Variants in PROB1 observed in about 807,000 individuals in gnomAD.
PROB1 encodes proline-rich basic protein 1.
For missense variants in PROB1, 1,453 were observed against 1,485.7 expected (o/e 0.98, Z 0.36); for synonymous variants, 660 against 699.3 (o/e 0.94, Z 0.89).
At position 139,390,931 on chromosome 5, in the gene PROB1, G is replaced by C. The variant is rs1758593694; in HGVS notation, c.*1103C>G. The C allele has an allele frequency of 6.6e-6, 1 of 152,248 alleles. No homozygotes were observed. Among genetic ancestry groups the C allele is most frequent in the South Asian group, 2.1e-4 (1 of 4,822 alleles). 9.4% of individuals were successfully genotyped at this position (152,248 alleles called of 1,614,324 possible). A position where few individuals can be genotyped will look rare whatever the true frequency, so the allele number is the denominator to read the frequency against. On this transcript the variant is annotated 3_prime_UTR_variant, in exon 1 of 1. Coordinates refer to ENST00000434752, the MANE Select transcript of PROB1 (RefSeq NM_001161546.2). ...CATTTCCGGTTCAGAACTATATACAGACCCCCACGCACACCACCTCCCACC... is the reference window on the plus strand; with the variant it reads ...CATTTCCGGTTCAGAACTATATACACACCCCCACGCACACCACCTCCCACC...
Position 139,394,578 on chromosome 5 carries a change from G to A in PROB1, c.504C>T (p.Ala168=). Residue 168 remains alanine (A), a synonymous_variant, in exon 1 of 1, where the codon GCC becomes GCT. Coordinates refer to ENST00000434752, the MANE Select transcript of PROB1 (RefSeq NM_001161546.2). ...CACGGGGCCGCAGCTCTAGGTAGGT[G>A]GCCCAGCGGGAGCCACCATCGGGGA... ...SQVPDGGSRW[A]TYLELRPRGP... 3.3e-6 allele frequency: 5 copies of A among 1,527,460 alleles called. No individual in the cohort carries two copies. Among genetic ancestry groups the A allele is most frequent in the Non-Finnish European group, 3.5e-6 (4 of 1,142,460 alleles). 94.6% of individuals were successfully genotyped at this position (1,527,460 alleles called of 1,614,324 possible).
chr5:139,394,810 C>A lies in PROB1; in HGVS notation c.272G>T (p.Gly91Val). The A allele has an allele frequency of 6.5e-7, 1 of 1,529,246 alleles. No individual in the cohort carries two copies. 94.7% of individuals were successfully genotyped at this position (1,529,246 alleles called of 1,614,324 possible). ...RHGPGSGFPRGPGSGPRPPQP... is the reference protein window; with the variant it reads ...RHGPGSGFPRVPGSGPRPPQP... ...GGGTGGCCGTGGGCCGGAACCTGGG[C>A]CTCGCGGGAAACCCGAGCCGGGCCC... Residue 91 changes from glycine to valine, a missense_variant, in exon 1 of 1, where the codon GGC (glycine) becomes GTC (valine). By Grantham distance (109) the Gly-to-Val change is moderately radical (BLOSUM62 -3). Transcript: ENST00000434752.
At position 139,394,490 on chromosome 5, in the gene PROB1, C is replaced by T; in HGVS notation, c.592G>A (p.Ala198Thr). ...CVEVALEEGA[A>T]PARPRTVPKR... Reference sequence around the variant, plus strand: ...GGCACTGTCCGGGGCCTGGCGGGCGCGGCGCCCTCCTCCAGAGCCACCTCC... The same window carrying T: ...GGCACTGTCCGGGGCCTGGCGGGCGTGGCGCCCTCCTCCAGAGCCACCTCC... Residue 198 changes from alanine (A) to threonine (T), a missense_variant, in exon 1 of 1, where the codon GCG (alanine) becomes ACG (threonine). Transcript: ENST00000434752. 7.0e-7 allele frequency: 1 copy of T among 1,421,678 alleles called. No homozygotes were observed. The highest frequency in any genetic ancestry group is 1.5e-5 in the South Asian group (1 of 66,496). 88.1% of individuals were successfully genotyped at this position (1,421,678 alleles called of 1,614,324 possible).
Position 139,394,231 on chromosome 5 carries a change from G to A in PROB1, c.851C>T (p.Thr284Met). 1 of 1,548,582 alleles carries A rather than the reference G, an allele frequency of 6.5e-7. No individual in the cohort carries two copies. The highest frequency in any genetic ancestry group is 8.7e-7 in the Non-Finnish European group (1 of 1,145,490). ...TGRSEPETRE[T>M]ARSTHVVLEK... ...CAGGACCACGTGGGTGCTGCGGGCCGTTTCCCGGGTCTCAGGTTCCGACCG... is the reference window on the plus strand; with the variant it reads ...CAGGACCACGTGGGTGCTGCGGGCCATTTCCCGGGTCTCAGGTTCCGACCG... Residue 284 changes from threonine to methionine, a missense_variant, in exon 1 of 1, where the codon ACG becomes ATG. By Grantham distance (81) the Thr-to-Met change is moderately conservative (BLOSUM62 -1). Transcript: ENST00000434752.
In PROB1 at chr5:139,392,628, C is replaced by T. The variant is rs973406942; in HGVS notation, c.2454G>A (p.Pro818=). The T allele has an allele frequency of 3.6e-5, 50 of 1,381,802 alleles. No homozygotes were observed. Among genetic ancestry groups the T allele is most frequent in the Non-Finnish European group, 4.4e-5 (47 of 1,070,326 alleles). 85.6% of individuals were successfully genotyped at this position (1,381,802 alleles called of 1,614,324 possible). The change falls in exon 1 of 1, where the codon CCG becomes CCA. Residue 818 remains proline, a synonymous_variant. Transcript: ENST00000434752. The surrounding 1 kb of genome is among the most constrained non-coding windows in gnomAD (Gnocchi z 5.8). ...GCTCGGGGGCCGTAGGTGGTGTCTT[C>T]GGTTTGGGTGCTATCCCAGGGCTCG... ...ASPSPGIAPK[P]KTPPTAPEPA...
In PROB1 at chr5:139,394,308, T is replaced by C; in HGVS notation, c.774A>G (p.Lys258=). 6.7e-7 allele frequency: 1 copy of C among 1,503,658 alleles called. No individual in the cohort carries two copies. The highest frequency in any genetic ancestry group is 8.9e-7 in the Non-Finnish European group (1 of 1,126,760). 93.1% of individuals were successfully genotyped at this position (1,503,658 alleles called of 1,614,324 possible). A position where few individuals can be genotyped will look rare whatever the true frequency, so the allele number is the denominator to read the frequency against. The change falls in exon 1 of 1, where the codon AAA becomes AAG. Residue 258 remains lysine (K), a synonymous_variant. Coordinates refer to ENST00000434752, the MANE Select transcript of PROB1 (RefSeq NM_001161546.2). ...AGFVQTALAR[K]LSPEAPAPSS... is the part of the protein sequence containing the mutation. ...TCGGGGCCGGGGCCTCGGGGCTCAG[T>C]TTTCTGGCCAACGCCGTCTGCACGA... is the stretch of plus-strand genomic sequence containing the variant.
In PROB1 at chr5:139,390,763, A is replaced by T. The variant is rs375005655; in HGVS notation, c.*1271T>A. 37 of 152,376 alleles carry T rather than the reference A, an allele frequency of 2.4e-4. No individual in the cohort carries two copies. The highest frequency in any genetic ancestry group is 8.4e-4 in the African/African-American group (35 of 41,564). 9.4% of individuals were successfully genotyped at this position (152,376 alleles called of 1,614,324 possible). A position where few individuals can be genotyped will look rare whatever the true frequency, so the allele number is the denominator to read the frequency against. On this transcript the variant is annotated 3_prime_UTR_variant, in exon 1 of 1. Coordinates refer to ENST00000434752, the MANE Select transcript of PROB1 (RefSeq NM_001161546.2). The stretch of plus-strand genomic sequence containing the variant: ...TCCTAGTCAGCTTCCAGTCCAGGGC[A>T]GAGGGCAGGGACTGCTAGGGACCTG...
rs1758674088 is a variant in PROB1 at position 139,395,026 on chromosome 5, G to T, written c.56C>A (p.Thr19Lys). 1 of 1,440,948 alleles carries T rather than the reference G, an allele frequency of 6.9e-7. No individual in the cohort carries two copies. Among genetic ancestry groups the T allele is most frequent in the Non-Finnish European group, 9.1e-7 (1 of 1,098,004 alleles). The allele number at this position is 1,440,948 out of a possible 1,614,324, so 89.3% of individuals were successfully genotyped here. Residue 19 changes from threonine to lysine, a missense_variant, in exon 1 of 1, where the codon ACG (threonine) becomes AAG (lysine). Physicochemically the swap from Thr to Lys is moderately conservative, Grantham distance 78 (BLOSUM62 -1). Coordinates refer to ENST00000434752, the MANE Select transcript of PROB1 (RefSeq NM_001161546.2). ...GGAGTCCTGGCGCCGCGCGGGGGCC[G>T]TGGGCAGCTGCCTCGGGATCCCAGG... ...ALPGIPRQLP[T>K]APARRQDSSG...
rs1396324365 is a variant in PROB1 at position 139,391,825 on chromosome 5, G to C, written c.*209C>G. Reference sequence around the variant, plus strand: ...GGGAAAGGGATACATAATTTTGTTGGGGGAGGAAGTAGGCAGCCACTTCCT... The same window carrying C: ...GGGAAAGGGATACATAATTTTGTTGCGGGAGGAAGTAGGCAGCCACTTCCT... On this transcript the variant is annotated 3_prime_UTR_variant, in exon 1 of 1. Coordinates refer to ENST00000434752, the MANE Select transcript of PROB1 (RefSeq NM_001161546.2). The surrounding 1 kb of genome is among the most constrained non-coding windows in gnomAD (Gnocchi z 4.8). The C allele has an allele frequency of 4.8e-6, 2 of 420,138 alleles. No homozygotes were observed. Among genetic ancestry groups the C allele is most frequent in the African/African-American group, 4.1e-5 (2 of 48,880 alleles). The allele number at this position is 420,138 out of a possible 1,614,324, so 26.0% of individuals were successfully genotyped here.
chr5:139,393,975 C>T lies in PROB1; in HGVS notation c.1107G>A (p.Arg369=), dbSNP rs745551688. 4 of 1,550,520 alleles carry T rather than the reference C, an allele frequency of 2.6e-6. No homozygotes were observed. Among genetic ancestry groups the T allele is most frequent in the East Asian group, 2.4e-5 (1 of 40,936 alleles). Reference sequence around the variant, plus strand: ...TACACTCAAAAGGCGGACTCCGTGCCCTCTGAACAGTTCGATCCGGCGCCT... The same window carrying T: ...TACACTCAAAAGGCGGACTCCGTGCTCTCTGAACAGTTCGATCCGGCGCCT... ...PREAPDRTVQ[R]ARSPPFECRI... The change falls in exon 1 of 1, where the codon AGG becomes AGA. Residue 369 remains arginine (R), a synonymous_variant. Transcript: ENST00000434752.
At position 139,393,241 on chromosome 5, in the gene PROB1, G is replaced by A. The variant is rs753455003; in HGVS notation, c.1841C>T (p.Ser614Leu). 6.5e-7 allele frequency: 1 copy of A among 1,549,124 alleles called. No homozygotes were observed. Among genetic ancestry groups the A allele is most frequent in the Non-Finnish European group, 8.7e-7 (1 of 1,146,950 alleles). The part of the protein sequence containing the change: ...PEVLGPGEAA[S>L]GRPRMAIPRP... ...CGGAATGGCCATGCGCGGGCGTCCC[G>A]AGGCCGCCTCTCCAGGACCCAAGAC... is the stretch of plus-strand genomic sequence containing the variant. Residue 614 changes from serine (S) to leucine (L), a missense_variant, in exon 1 of 1, where the codon TCG becomes TTG. Coordinates refer to ENST00000434752, the MANE Select transcript of PROB1 (RefSeq NM_001161546.2).
Position 139,392,404 on chromosome 5 carries a change from AAGT to A in PROB1, c.2675_2677del (p.Tyr892del), listed in dbSNP as rs1300759373. 2.1e-5 allele frequency: 31 copies of A among 1,510,166 alleles called. No individual in the cohort carries two copies. In the East Asian group the frequency reaches 7.4e-4, roughly 36 times the overall value. The allele number at this position is 1,510,166 out of a possible 1,614,324, so 93.5% of individuals were successfully genotyped here. A position where few individuals can be genotyped will look rare whatever the true frequency, so the allele number is the denominator to read the frequency against. On this transcript the variant is annotated inframe_deletion, in exon 1 of 1. Coordinates refer to ENST00000434752, the MANE Select transcript of PROB1 (RefSeq NM_001161546.2). The surrounding 1 kb of genome is among the most constrained non-coding windows in gnomAD (Gnocchi z 5.8). ...CCGAGGCTGCCGCGGCGCCTCCACA[AAGT>A]AGTAGCGGCCGCTCTCGGGGTCCAC...
In PROB1 at chr5:139,392,914, C is replaced by A; in HGVS notation, c.2168G>T (p.Ser723Ile). The A allele has an allele frequency of 2.0e-6, 3 of 1,533,898 alleles. No homozygotes were observed. The highest frequency in any genetic ancestry group is 2.6e-6 in the Non-Finnish European group (3 of 1,137,386). Reference sequence around the variant, plus strand: ...TGTGCGCTTGAAGGGCTTCGCCGTGCTGTTCTCTGCCCTCCGCCGCAGGAC... The same window carrying A: ...TGTGCGCTTGAAGGGCTTCGCCGTGATGTTCTCTGCCCTCCGCCGCAGGAC... ...NGVLRRRAEN[S>I]TAKPFKRTEI... The change falls in exon 1 of 1, where the codon AGC becomes ATC. Residue 723 changes from serine (S) to isoleucine (I), a missense_variant. Coordinates refer to ENST00000434752, the MANE Select transcript of PROB1 (RefSeq NM_001161546.2). The surrounding 1 kb of genome is among the most constrained non-coding windows in gnomAD (Gnocchi z 5.8).
Position 139,392,374 on chromosome 5 carries a change from C to T in PROB1, c.2708G>A (p.Arg903Gln). The T allele has an allele frequency of 1.3e-6, 2 of 1,523,056 alleles. No homozygotes were observed. Among genetic ancestry groups the T allele is most frequent in the South Asian group, 2.4e-5 (2 of 81,774 alleles). 94.3% of individuals were successfully genotyped at this position (1,523,056 alleles called of 1,614,324 possible). A position where few individuals can be genotyped will look rare whatever the true frequency, so the allele number is the denominator to read the frequency against. ...FVEAPRQPRLRVLFDPESGQY... is the reference protein window; with the variant it reads ...FVEAPRQPRLQVLFDPESGQY... Reference sequence around the variant, plus strand: ...CCCACTCTCAGGGTCGAAGAGCACCCGCAGCCGAGGCTGCCGCGGCGCCTC... The same window carrying T: ...CCCACTCTCAGGGTCGAAGAGCACCTGCAGCCGAGGCTGCCGCGGCGCCTC... Residue 903 changes from arginine (R) to glutamine (Q), a missense_variant, in exon 1 of 1, where the codon CGG becomes CAG. Physicochemically the swap from Arg to Gln is conservative, Grantham distance 43. Transcript: ENST00000434752. The surrounding 1 kb of genome is among the most constrained non-coding windows in gnomAD (Gnocchi z 5.8).
In PROB1 at chr5:139,394,172, C is replaced by A. The variant is rs1411692919; in HGVS notation, c.910G>T (p.Asp304Tyr). ...KAKSRPLRVRDNSAPAKAPRP... is the reference protein window; with the variant it reads ...KAKSRPLRVRYNSAPAKAPRP... ...GGGGCCTTGGCGGGGGCCGAATTATCTCGTACGCGAAGTGGCCGAGACTTA... is the reference window on the plus strand; with the variant it reads ...GGGGCCTTGGCGGGGGCCGAATTATATCGTACGCGAAGTGGCCGAGACTTA... Residue 304 changes from aspartate to tyrosine, a missense_variant, in exon 1 of 1, where the codon GAT becomes TAT. Physicochemically the swap from Asp to Tyr is radical, Grantham distance 160. Transcript: ENST00000434752. 6.5e-7 allele frequency: 1 copy of A among 1,546,380 alleles called. No individual in the cohort carries two copies. Among genetic ancestry groups the A allele is most frequent in the Admixed American group, 2.0e-5 (1 of 50,558 alleles).
At position 139,391,396 on chromosome 5, in the gene PROB1, C is replaced by G. The variant is rs1393932262; in HGVS notation, c.*638G>C. 6.5e-6 allele frequency: 1 copy of G among 152,836 alleles called. No homozygotes were observed. The highest frequency in any genetic ancestry group is 1.5e-5 in the Non-Finnish European group (1 of 68,526). The allele number at this position is 152,836 out of a possible 1,614,324, so 9.5% of individuals were successfully genotyped here. A position where few individuals can be genotyped will look rare whatever the true frequency, so the allele number is the denominator to read the frequency against. ...AGGCTAACCCCCAACCCAGGCCCTC[C>G]CTGTATTCCTTGCTTTGCCTCCACC... On this transcript the variant is annotated 3_prime_UTR_variant, in exon 1 of 1. Coordinates refer to ENST00000434752, the MANE Select transcript of PROB1 (RefSeq NM_001161546.2). This position sits in a 1 kb window ranked among gnomAD's most constrained non-coding sequence, Gnocchi z 4.8.
Position 139,395,018 on chromosome 5 carries a change from C to A in PROB1, c.64G>T (p.Ala22Ser). ...GIPRQLPTAP[A>S]RRQDSSGSSG... ...GAACCGGAGGAGTCCTGGCGCCGCGCGGGGGCCGTGGGCAGCTGCCTCGGG... is the reference window on the plus strand; with the variant it reads ...GAACCGGAGGAGTCCTGGCGCCGCGAGGGGGCCGTGGGCAGCTGCCTCGGG... The change falls in exon 1 of 1, where the codon GCG (alanine) becomes TCG (serine). Residue 22 changes from alanine to serine, a missense_variant. By Grantham distance (99) the Ala-to-Ser change is moderately conservative. Transcript: ENST00000434752. The A allele has an allele frequency of 6.9e-7, 1 of 1,457,414 alleles. No individual in the cohort carries two copies. The highest frequency in any genetic ancestry group is 9.0e-7 in the Non-Finnish European group (1 of 1,106,112). The allele number at this position is 1,457,414 out of a possible 1,614,324, so 90.3% of individuals were successfully genotyped here.
chr5:139,394,520 A>T lies in PROB1; in HGVS notation c.562T>A (p.Cys188Ser). The change falls in exon 1 of 1, where the codon TGT becomes AGT. Residue 188 changes from cysteine to serine, a missense_variant. Transcript: ENST00000434752. ...CCCTCCTCCAGAGCCACCTCCACAC[A>T]CTCGAACTGCGCTGGGGCGGCAGGA... ...PSPAAPAQFECVEVALEEGAA... is the reference protein window; with the variant it reads ...PSPAAPAQFESVEVALEEGAA... 1 of 1,460,382 alleles carries T rather than the reference A, an allele frequency of 6.8e-7. No homozygotes were observed. Among genetic ancestry groups the T allele is most frequent in the Non-Finnish European group, 9.0e-7 (1 of 1,114,000 alleles). The allele number at this position is 1,460,382 out of a possible 1,614,324, so 90.5% of individuals were successfully genotyped here. A position where few individuals can be genotyped will look rare whatever the true frequency, so the allele number is the denominator to read the frequency against.
In PROB1 at chr5:139,395,064, G is replaced by A. The variant is rs773236107; in HGVS notation, c.18C>T (p.Ala6=). The change falls in exon 1 of 1, where the codon GCC becomes GCT. Residue 6 remains alanine (A), a synonymous_variant. Coordinates refer to ENST00000434752, the MANE Select transcript of PROB1 (RefSeq NM_001161546.2). The stretch of plus-strand genomic sequence containing the variant: ...TCGGGATCCCAGGCAGGGCTGGCGG[G>A]GCGAGCGCGGTCAGCATGGTGGGGC... MLTAL[A]PPALPGIPRQ... is the part of the protein sequence containing the mutation. 70 of 1,411,356 alleles carry A rather than the reference G, an allele frequency of 5.0e-5. 2 individuals are homozygous for A. In the South Asian group the frequency reaches 1.0e-3, roughly 21 times the overall value. 87.4% of individuals were successfully genotyped at this position (1,411,356 alleles called of 1,614,324 possible). A position where few individuals can be genotyped will look rare whatever the true frequency, so the allele number is the denominator to read the frequency against.
Sources: gnomAD v4.1 joint callset for allele counts on GRCh38, gnomAD v4.1.1 for gene constraint, Gnocchi (gnomAD v3.1) non-coding constraint, MANE v1.5 for transcripts, NCBI Gene and HGNC (gene_info 2026-07-23, HGNC 2026-07-21) for gene names.